The following TTC34 variants were observed in gnomAD, a reference collection of about 807,000 sequenced individuals.
TTC34 encodes tetratricopeptide repeat domain 34.
Under a neutral mutation model 40.7 loss-of-function variants are expected in TTC34, and 44 were observed. That is an observed-to-expected ratio of 1.08 (90% CI 0.85 to 1.39). The LOEUF (loss-of-function observed/expected upper bound fraction) is 1.39. Ranked by LOEUF, TTC34 falls within the 40% of genes most tolerant of loss-of-function variation. The pLI, the probability that TTC34 is intolerant of heterozygous loss-of-function variation, is 0.00. For synonymous variants in TTC34, 422 were observed against 398.6 expected, an observed-to-expected ratio of 1.06 and a Z score of -0.70; for missense variants, 884 against 838.0, an observed-to-expected ratio of 1.05 and a Z score of -0.68.
rs1267221220 is a variant in TTC34 at position 2,798,129 on chromosome 1, C to T, written c.784+1915G>A. The stretch of plus-strand genomic sequence containing the variant: ...CTGAGCCCCTCAGCTCCCCAGCCCC[C>T]CAGCCTCCCAGCCTCTCAGCCTCTT... On this transcript the variant is annotated intron_variant, in intron 2 of 8. Coordinates refer to ENST00000401095, the Ensembl canonical transcript of TTC34. Among the ~76,000 whole-genome samples the T allele has an allele frequency of 3.1e-3, 436 of 139,802 alleles. 2 individuals are homozygous for T. Among genetic ancestry groups the T allele is most frequent in the Middle Eastern group, 0.016 (4 of 248 alleles). The allele number at this position is 139,802 out of a possible 152,430, so 91.7% of individuals were successfully genotyped here. A position where few individuals can be genotyped will look rare whatever the true frequency, so the allele number is the denominator to read the frequency against.
chr1:2,641,826 G>T, exon 9 of TTC34: 3 of 1,531,992 alleles, frequency 2.0e-6, no homozygotes, highest in Non-Finnish European at 2.6e-6. Flanking sequence ...AGGACAGACA[G>T]CGAACAGTAG....
chr1:2,675,611 G>A (rs1639882685), intron 6 of TTC34, among the ~76,000 whole-genome samples: 2 of 143,758 alleles, frequency 1.4e-5, no homozygotes, highest in South Asian at 4.3e-4. Context: ...AACCCCAGGC[G>A]AGCATCGGAC....
At position 2,751,092 on chromosome 1, in the gene TTC34, G is replaced by A. The variant is rs2100430061; in HGVS notation, c.2226+32517C>T. Among the ~76,000 whole-genome samples, 3 of 93,320 alleles carry A rather than the reference G, an allele frequency of 3.2e-5. 1 individual carries two copies. The highest frequency in any genetic ancestry group is 1.2e-4 in the Admixed American group (1 of 8,166). The allele number at this position is 93,320 out of a possible 152,430, so 61.2% of individuals were successfully genotyped here. ...GACTGGAACACCTCCCACATGCCCAGCTGAGCCTCTGACAGCCTGGAACAG... is the reference window on the plus strand; with the variant it reads ...GACTGGAACACCTCCCACATGCCCAACTGAGCCTCTGACAGCCTGGAACAG... On this transcript the variant is annotated intron_variant, in intron 6 of 8. Transcript: ENST00000401095.
At chr1:2,685,245 T>A (rs1333214456) in intron 6 of TTC34, among the ~76,000 whole-genome samples, 1 of 63,808 alleles carries the variant, frequency 1.6e-5, no homozygotes, top group Non-Finnish European at 2.9e-5. Flanking sequence ...ACACCCCAGG[T>A]GAGCATCTGA....
chr1:2,800,593 C>T (rs905473792), exon 2 of TTC34: 20 of 398,276 alleles, frequency 5.0e-5, no homozygotes, highest in Admixed American at 3.1e-4. Context: ...ACTGCCATGC[C>T]GTCCCAGTGG....
intron 6 of TTC34, among the ~76,000 whole-genome samples, chr1:2,655,670 G>GA: frequency 6.6e-6 from 1 of 150,500 alleles, no homozygotes; most frequent in East Asian, 1.9e-4. Flanking sequence ...GTGAGCATCT[G>GA]ACAGCCTGGA....
chr1:2,645,584 C>CGGGGG lies in TTC34; in HGVS notation c.2227-22_2227-21insCCCCC. The stretch of plus-strand genomic sequence containing the variant: ...GCTTCCTGCAAGGAGGGAGGGCGGG[C>CGGGGG]GGGTGCAGAGTTGTCCTAAGTAGAG... On this transcript the variant is annotated intron_variant, in intron 6 of 8. Transcript: ENST00000401095. The surrounding 1 kb of genome is among the most constrained non-coding windows in gnomAD (Gnocchi z 4.7). 2 of 41,938 alleles carry CGGGGG rather than the reference C, an allele frequency of 4.8e-5. No homozygotes were observed. Among genetic ancestry groups the CGGGGG allele is most frequent in the South Asian group, 1.9e-4 (1 of 5,192 alleles). 2.6% of individuals were successfully genotyped at this position (41,938 alleles called of 1,614,324 possible). A position where few individuals can be genotyped will look rare whatever the true frequency, so the allele number is the denominator to read the frequency against.
intron 6 of TTC34, among the ~76,000 whole-genome samples, chr1:2,769,605 C>A: frequency 7.8e-6 from 1 of 128,682 alleles, no homozygotes. Context: ...GGGGGAGCAT[C>A]TGACAGCCTG....
At chr1:2,683,391 C>T (rs1277986462) in intron 6 of TTC34, among the ~76,000 whole-genome samples, 43 of 31,890 alleles carry the variant, frequency 1.3e-3, no homozygotes, top group African/African-American at 3.1e-3. Flanking sequence ...AGCACCCACA[C>T]GCCCAGGTGA....
chr1:2,687,764 C>T (rs1640431306), intron 6 of TTC34, among the ~76,000 whole-genome samples: 2 of 149,978 alleles, frequency 1.3e-5, no homozygotes, highest in African/African-American at 2.5e-5. Flanking sequence ...GCAGAACCCA[C>T]ACCCTGAGGC....
intron 6 of TTC34, among the ~76,000 whole-genome samples, chr1:2,684,706 G>T (rs6683777): frequency 0.41 from 13,809 of 33,558 alleles, 1,794 homozygotes; most frequent in Middle Eastern, 0.52. Context: ...AGCCTGGAAC[G>T]GCAACCACAC....
At chr1:2,760,957 T>C (rs1219700961) in intron 6 of TTC34, among the ~76,000 whole-genome samples, 352 of 30,380 alleles carry the variant, frequency 0.012, no homozygotes, top group Middle Eastern at 0.077. Flanking sequence ...TGGAGCAGCG[T>C]CCACACCCCC....
chr1:2,696,845 CGG>C (rs1640891096), intron 6 of TTC34, among the ~76,000 whole-genome samples: 1 of 36,162 alleles, frequency 2.8e-5, no homozygotes, highest in Non-Finnish European at 6.3e-5. Context: ...CCACACCTTC[CGG>C]CGAGCATCCG....
chr1:2,795,109 GT>G (rs1397510732), intron 2 of TTC34, among the ~76,000 whole-genome samples: 1 of 151,658 alleles, frequency 6.6e-6, no homozygotes, highest in African/African-American at 2.4e-5. Flanking sequence ...AAATTAGCCA[GT>G]TGTGATGGTG....
At chr1:2,692,688 C>G (rs1249315975) in intron 6 of TTC34, among the ~76,000 whole-genome samples, 79 of 119,752 alleles carry the variant, frequency 6.6e-4, no homozygotes, top group Non-Finnish European at 9.2e-4. Context: ...TTCTGACAGC[C>G]TGGAGCAGCA....
At chr1:2,653,804 C>T (rs1349008346) in intron 6 of TTC34, among the ~76,000 whole-genome samples, 4 of 149,666 alleles carry the variant, frequency 2.7e-5, no homozygotes, top group African/African-American at 9.9e-5. Flanking sequence ...GGAGCAGTGC[C>T]CACACCCCCA....
intron 6 of TTC34, among the ~76,000 whole-genome samples, chr1:2,698,832 T>C (rs1640989616): frequency 6.8e-6 from 1 of 146,300 alleles, no homozygotes; most frequent in African/African-American, 2.6e-5. Flanking sequence ...TCTCACAGCC[T>C]GCAACAGTAC....
chr1:2,698,254 A>G (rs78169809), intron 6 of TTC34, among the ~76,000 whole-genome samples: 6 of 43,664 alleles, frequency 1.4e-4, no homozygotes, highest in South Asian at 9.2e-4. Context: ...ACCCCCAGGT[A>G]AGCATCTGAC....
chr1:2,685,278 C>A (rs1161763408), intron 6 of TTC34, among the ~76,000 whole-genome samples: 36 of 113,924 alleles, frequency 3.2e-4, no homozygotes, highest in Non-Finnish European at 1.0e-4. Flanking sequence ...GCACCCTGCA[C>A]CCCCAGGTGA....
Sources: allele counts gnomAD v4.1 joint callset (sites outside exome capture counted in the v4.1 genomes callset), GRCh38; gene constraint gnomAD v4.1.1; non-coding constraint Gnocchi (gnomAD v3.1); transcripts MANE v1.5; gene names NCBI Gene and HGNC (gene_info 2026-07-23, HGNC 2026-07-21).